Variants in PELI2 observed in about 807,000 individuals in gnomAD.
PELI2 encodes the protein pellino E3 ubiquitin protein ligase family member 2.
PELI2 carries 23 observed loss-of-function variants against 42.3 expected under a neutral mutation model. The ratio of observed to expected loss-of-function variants is 0.54; its 90% CI spans 0.39 to 0.77. The LOEUF (loss-of-function observed/expected upper bound fraction) is 0.77, where lower values mean the gene tolerates loss of function less well. PELI2 is among the 30% of genes least tolerant of loss of function. The pLI, the probability that PELI2 is intolerant of heterozygous loss-of-function variation, is 0.00. For missense variants in PELI2, 463 were observed against 553.2 expected, an observed-to-expected ratio of 0.84 and a Z score of 1.64; for synonymous variants, 245 against 212.2, an observed-to-expected ratio of 1.15 and a Z score of -1.34.
At chr14:56,232,823 C>G (rs2139774719) in intron 2 of PELI2, among the ~76,000 whole-genome samples, 1 of 149,488 alleles carries the variant, frequency 6.7e-6, no homozygotes, top group East Asian at 2.0e-4. Flanking sequence ...CAAATTGTCC[C>G]TGTTTGCAGA....
rs1403592746 is a variant in PELI2, at chr14:56,180,556, A to G, written c.207+2092A>G. ...GACTCTGATAGGTCTCCCCTGGGTC[A>G]CCGAACTATGACCAAGGGAGATGGG... On this transcript the variant is annotated intron_variant, in intron 2 of 5. Transcript: ENST00000267460. The surrounding 1 kb of genome is among the most constrained non-coding windows in gnomAD (Gnocchi z 4.4). Among the ~76,000 whole-genome samples the G allele has an allele frequency of 6.6e-6, 1 of 152,210 alleles. No homozygotes were observed. The highest frequency in any genetic ancestry group is 2.4e-5 in the African/African-American group (1 of 41,460).
intron 2 of PELI2, among the ~76,000 whole-genome samples, chr14:56,187,983 G>T (rs1885827440): frequency 1.3e-5 from 2 of 152,218 alleles, no homozygotes; most frequent in South Asian, 4.1e-4. Context: ...CGTTGCCCAG[G>T]ATGATCTTCA....
chr14:56,138,055 C>T (rs1341868909), intron 1 of PELI2, among the ~76,000 whole-genome samples: 4 of 152,246 alleles, frequency 2.6e-5, no homozygotes, highest in Non-Finnish European at 5.9e-5. Flanking sequence ...CTCGATACTC[C>T]GCGATGTGGG....
chr14:56,180,220 T>C lies in PELI2; in HGVS notation c.207+1756T>C, dbSNP rs1052777031. ...TATTTTATAATCTGGGAAAAATATA[T>C]TCTCAGGGCCTCAGTTTACTCATTA... On this transcript the variant is annotated intron_variant, in intron 2 of 5. Transcript: ENST00000267460. This position sits in a 1 kb window ranked among gnomAD's most constrained non-coding sequence, Gnocchi z 4.4. Among the ~76,000 whole-genome samples, 12 of 152,288 alleles carry C rather than the reference T, an allele frequency of 7.9e-5. No homozygotes were observed. The highest frequency in any genetic ancestry group is 2.1e-4 in the South Asian group (1 of 4,822).
rs549329085 is a variant in PELI2 at position 56,208,952 on chromosome 14, G to C, written c.207+30488G>C. Among the ~76,000 whole-genome samples, 77 of 152,302 alleles carry C rather than the reference G, an allele frequency of 5.1e-4. 1 individual carries two copies. Among genetic ancestry groups the C allele is most frequent in the Non-Finnish European group, 9.1e-4 (62 of 68,026 alleles). On this transcript the variant is annotated intron_variant, in intron 2 of 5. Transcript: ENST00000267460. The stretch of plus-strand genomic sequence containing the variant: ...AATTTAAGCTTTCAAGCAAAAATTA[G>C]GATTTTGGAAAACTTGTATCTGCTA...
intron 2 of PELI2, among the ~76,000 whole-genome samples, chr14:56,213,194 C>G (rs1174467117): frequency 6.6e-6 from 1 of 152,234 alleles, no homozygotes; most frequent in Non-Finnish European, 1.5e-5. Context: ...GACATCACTT[C>G]TGGTGGTTAC....
At chr14:56,247,093 C>T (rs1264418039) in intron 2 of PELI2, among the ~76,000 whole-genome samples, 1 of 152,078 alleles carries the variant, frequency 6.6e-6, no homozygotes, top group African/African-American at 2.4e-5. Context: ...TATAATGGAC[C>T]TGTAGAATTG....
At chr14:56,159,065 A>T (rs1884665929) in intron 1 of PELI2, among the ~76,000 whole-genome samples, 1 of 152,256 alleles carries the variant, frequency 6.6e-6, no homozygotes, top group Non-Finnish European at 1.5e-5. Context: ...ATGTGTATTT[A>T]GCTCACAGTC....
At chr14:56,229,788 T>A (rs28864471) in intron 2 of PELI2, among the ~76,000 whole-genome samples, 20 of 152,172 alleles carry the variant, frequency 1.3e-4, no homozygotes, top group African/African-American at 4.8e-4. Flanking sequence ...CGATCGGTAA[T>A]AATAAACTTC....
intron 2 of PELI2, among the ~76,000 whole-genome samples, chr14:56,256,787 C>T (rs1056123191): frequency 3.9e-5 from 6 of 152,076 alleles, no homozygotes; most frequent in Non-Finnish European, 8.8e-5. Context: ...TTCCTCTCCT[C>T]TACCCTGCAT....
At chr14:56,202,166 G>C (rs1886353539) in intron 2 of PELI2, among the ~76,000 whole-genome samples, 1 of 152,146 alleles carries the variant, frequency 6.6e-6, no homozygotes, top group South Asian at 2.1e-4. Flanking sequence ...ATTTGTTGTT[G>C]TTGTTGTTGT....
intron 2 of PELI2, among the ~76,000 whole-genome samples, chr14:56,240,630 A>C (rs1351961349): frequency 6.6e-6 from 1 of 152,098 alleles, no homozygotes; most frequent in East Asian, 1.9e-4. Flanking sequence ...GCAAGAGGAG[A>C]TCTTTAAGAC....
intron 3 of PELI2, among the ~76,000 whole-genome samples, chr14:56,281,047 A>G (rs1889466260): frequency 6.6e-6 from 1 of 152,168 alleles, no homozygotes; most frequent in African/African-American, 2.4e-5. Flanking sequence ...AAAACATTGT[A>G]TGGAATTGGT....
intron 2 of PELI2, among the ~76,000 whole-genome samples, chr14:56,221,604 C>T (rs977476153): frequency 6.6e-5 from 10 of 152,234 alleles, no homozygotes; most frequent in African/African-American, 2.2e-4. Context: ...GGCCAAAACA[C>T]ACACCCATAG....
chr14:56,228,338 C>A (rs1887435643), intron 2 of PELI2, among the ~76,000 whole-genome samples: 1 of 152,110 alleles, frequency 6.6e-6, no homozygotes, highest in Admixed American at 6.5e-5. Flanking sequence ...ATATGTAGAT[C>A]CATAGCTGTT....
chr14:56,286,447 AC>A (rs1889647780), intron 3 of PELI2, among the ~76,000 whole-genome samples: 1 of 152,172 alleles, frequency 6.6e-6, no homozygotes, highest in Non-Finnish European at 1.5e-5. Flanking sequence ...ATCCAGGCAA[AC>A]CCAAACTTTT....
intron 2 of PELI2, among the ~76,000 whole-genome samples, chr14:56,187,241 T>C (rs1411035507): frequency 6.6e-6 from 1 of 152,170 alleles, no homozygotes; most frequent in Non-Finnish European, 1.5e-5. Context: ...ATTGGGAAAT[T>C]TATTCATCTC....
chr14:56,288,907 C>T lies in PELI2; in HGVS notation c.507+273C>T, dbSNP rs374704304. Among the ~76,000 whole-genome samples the T allele has an allele frequency of 4.6e-5, 7 of 152,162 alleles. No homozygotes were observed. Among genetic ancestry groups the T allele is most frequent in the African/African-American group, 1.4e-4 (6 of 41,510 alleles). ...TATAACATTGTCCATAATGTATTTACGGCAACGAAGAGGTTTATTTCAGAG... is the reference window on the plus strand; with the variant it reads ...TATAACATTGTCCATAATGTATTTATGGCAACGAAGAGGTTTATTTCAGAG... On this transcript the variant is annotated intron_variant, in intron 4 of 5. Transcript: ENST00000267460. This position sits in a 1 kb window ranked among gnomAD's most constrained non-coding sequence, Gnocchi z 4.6.
At chr14:56,211,042 T>C (rs532074073) in intron 2 of PELI2, among the ~76,000 whole-genome samples, 129 of 152,332 alleles carry the variant, frequency 8.5e-4, no homozygotes, top group African/African-American at 3.0e-3. Flanking sequence ...ATATTGTATA[T>C]GCAAGATTTC....
Sources: gnomAD v4.1 joint callset for allele counts (sites outside exome capture counted in the v4.1 genomes callset) on GRCh38, gnomAD v4.1.1 for gene constraint, Gnocchi (gnomAD v3.1) non-coding constraint, MANE v1.5 for transcripts, NCBI Gene and HGNC (gene_info 2026-07-23, HGNC 2026-07-21) for gene names.